DYM: variants seen among roughly 807,000 people sequenced by gnomAD.
The protein encoded by DYM is dyggve-Melchior-Clausen syndrome protein.
DYM carries 78 observed loss-of-function variants against 93.1 expected under a neutral mutation model. The ratio of observed to expected loss-of-function variants is 0.84; its 90% CI spans 0.70 to 1.01. The LOEUF is 1.01. Among genes scored for constraint, DYM ranks in the 50% least tolerant of loss-of-function variants. The pLI, the probability that DYM is intolerant of heterozygous loss-of-function variation, is 0.00. For synonymous variants in DYM, 321 were observed against 319.7 expected (o/e 1.00, Z -0.04); for missense variants, 789 against 845.0 (o/e 0.93, Z 0.82).
intron 1 of DYM, among the ~76,000 whole-genome samples, chr18:49,435,339 T>C (rs768080700): frequency 1.3e-5 from 2 of 150,528 alleles, no homozygotes; most frequent in Non-Finnish European, 3.0e-5. Context: ...TGTGAAGTGG[T>C]GATGTTGTTA....
At chr18:49,292,778 T>A (rs2060247935) in intron 8 of DYM, among the ~76,000 whole-genome samples, 1 of 152,060 alleles carries the variant, frequency 6.6e-6, no homozygotes. Flanking sequence ...AACTAAAAAC[T>A]AAAAACTAAA....
At chr18:49,248,427 T>A (rs2094216047) in intron 13 of DYM, among the ~76,000 whole-genome samples, 1 of 152,182 alleles carries the variant, frequency 6.6e-6, no homozygotes, top group Admixed American at 6.5e-5. Context: ...TTACAAGCCA[T>A]CATTAACTCT....
intron 17 of DYM, among the ~76,000 whole-genome samples, chr18:49,053,146 T>A (rs549286300): frequency 6.6e-6 from 1 of 152,314 alleles, no homozygotes; most frequent in South Asian, 2.1e-4. Flanking sequence ...TGAGTCAACC[T>A]ACCACAGTGG....
At chr18:49,276,078 A>G (rs2094840534) in intron 10 of DYM, among the ~76,000 whole-genome samples, 1 of 152,064 alleles carries the variant, frequency 6.6e-6, no homozygotes, top group African/African-American at 2.4e-5. Flanking sequence ...TCTTAATCAA[A>G]TGCCCAGGCT....
At chr18:49,270,717 T>G (rs1042664176) in intron 11 of DYM, among the ~76,000 whole-genome samples, 3 of 152,192 alleles carry the variant, frequency 2.0e-5, no homozygotes, top group Non-Finnish European at 4.4e-5. Context: ...AAAATAAATT[T>G]GTATGTTTTA....
At chr18:49,140,766 GAAT>G (rs2084397363) in intron 15 of DYM, among the ~76,000 whole-genome samples, 1 of 152,158 alleles carries the variant, frequency 6.6e-6, no homozygotes, top group Non-Finnish European at 1.5e-5. Context: ...AGGAGAATGA[GAAT>G]AATAAATTTC....
chr18:49,042,692 T>C lies in DYM; in HGVS notation c.*1363A>G, dbSNP rs1475494453. 6.6e-6 allele frequency: 1 copy of C among 152,234 alleles called. No homozygotes were observed. The highest frequency in any genetic ancestry group is 1.5e-5 in the Non-Finnish European group (1 of 68,046). 9.4% of individuals were successfully genotyped at this position (152,234 alleles called of 1,614,324 possible). A position where few individuals can be genotyped will look rare whatever the true frequency, so the allele number is the denominator to read the frequency against. On this transcript the variant is annotated 3_prime_UTR_variant, in exon 18 of 18. Transcript: ENST00000675505. ...TGTGCTTTCTATGTTGAAGACCAAA[T>C]ACTTTTTCTTTGAGAATGAAACTAG...
chr18:49,090,003 ATGTG>A (rs149330836), intron 17 of DYM, among the ~76,000 whole-genome samples: 5 of 151,760 alleles, frequency 3.3e-5, no homozygotes, highest in African/African-American at 1.2e-4. Context: ...CATCCTGCAA[ATGTG>A]TGTGTGTGTG....
rs962140590 is a variant in DYM at position 49,181,213 on chromosome 18, A to C, written c.1626-17426T>G. ...CTGGTAAGAAAAAGTCAAGGATAAA[A>C]GTTAAGATGATTTATGAGAGAAACC... On this transcript the variant is annotated intron_variant, in intron 14 of 17. Coordinates refer to ENST00000675505, the MANE Select transcript of DYM (RefSeq NM_001353214.3). Among the ~76,000 whole-genome samples the C allele has an allele frequency of 4.6e-5, 7 of 152,166 alleles. No homozygotes were observed. The East Asian group carries it at 1.3e-3, about 29-fold the overall frequency.
Position 49,189,375 on chromosome 18 carries a change from AG to A in DYM, c.1625+20175del, listed in dbSNP as rs1291292105. On this transcript the variant is annotated intron_variant, in intron 14 of 17. Transcript: ENST00000675505. ...ACTGCTTCTTCTTTTCCAGGGCAAA[AG>A]AACTTTGCTTTCATAGTTCTGGCCA... 2.0e-5 allele frequency among the ~76,000 whole-genome samples: 3 copies of A among 152,346 alleles called. No homozygotes were observed. The East Asian group carries it at 5.8e-4, about 29-fold the overall frequency.
chr18:49,395,788 A>G (rs77529290), intron 2 of DYM, among the ~76,000 whole-genome samples: 1,660 of 152,338 alleles, frequency 0.011, 29 homozygotes, highest in African/African-American at 0.038. Flanking sequence ...AATGTTGGCA[A>G]GGATGCAGAG....
chr18:49,384,910 C>A (rs1727143838), intron 3 of DYM, among the ~76,000 whole-genome samples: 1 of 147,948 alleles, frequency 6.8e-6, no homozygotes. Context: ...AAATCAGAGC[C>A]ATAATGAAAA....
At chr18:49,282,323 T>G in intron 9 of DYM, 148 bp from the exon 10 acceptor site, 1 of 916,946 alleles carries the variant, frequency 1.1e-6, no homozygotes, top group East Asian at 2.7e-5. Context: ...TTATGTAAAA[T>G]TTACTTTAGG....
Position 49,251,800 on chromosome 18 carries a change from G to C in DYM, c.1460+5210C>G, listed in dbSNP as rs116772704. On this transcript the variant is annotated intron_variant, in intron 13 of 17. Coordinates refer to ENST00000675505, the MANE Select transcript of DYM (RefSeq NM_001353214.3). ...TGAGATCTCAAACCCTGGCAGTCTG[G>C]CTTCAGAGGCTATGTGCTTATCCTC... 3.1e-3 allele frequency among the ~76,000 whole-genome samples: 479 copies of C among 152,242 alleles called. 4 individuals carry two copies. The highest frequency in any genetic ancestry group is 0.011 in the African/African-American group (443 of 41,546).
At chr18:49,075,318 C>T (rs1172629703) in intron 17 of DYM, among the ~76,000 whole-genome samples, 1 of 152,158 alleles carries the variant, frequency 6.6e-6, no homozygotes, top group Non-Finnish European at 1.5e-5. Flanking sequence ...GGAGGTTGTG[C>T]TGGCTTGGTT....
chr18:49,438,380 T>C (rs914408669), intron 1 of DYM, among the ~76,000 whole-genome samples: 11 of 152,114 alleles, frequency 7.2e-5, no homozygotes, highest in Admixed American at 2.0e-4. Context: ...ATCATATTTT[T>C]TTAAATAGCC....
chr18:49,072,263 T>A (rs1036998220), intron 17 of DYM, among the ~76,000 whole-genome samples: 4 of 152,222 alleles, frequency 2.6e-5, no homozygotes, highest in Non-Finnish European at 4.4e-5. Context: ...CTGGTCTAAG[T>A]TACAAAGCTA....
chr18:49,454,316 C>T (rs1170119535), intron 1 of DYM, among the ~76,000 whole-genome samples: 2 of 152,136 alleles, frequency 1.3e-5, no homozygotes, highest in Non-Finnish European at 2.9e-5. Flanking sequence ...TGAAAAGCAG[C>T]CCCAAATCAT....
chr18:49,168,865 G>A, intron 14 of DYM, among the ~76,000 whole-genome samples: 1 of 152,112 alleles, frequency 6.6e-6, no homozygotes, highest in East Asian at 1.9e-4. Flanking sequence ...CAAACGGGGA[G>A]GAAGAGTAAT....
Sources: allele counts gnomAD v4.1 joint callset (sites outside exome capture counted in the v4.1 genomes callset), GRCh38; gene constraint gnomAD v4.1.1; transcripts MANE v1.5; gene names NCBI Gene and HGNC (gene_info 2026-07-23, HGNC 2026-07-21).